The following STON1 variants were observed in gnomAD, a reference collection of about 807,000 sequenced individuals.
STON1 encodes stonin 1, also known as stonin-1.
Under a neutral mutation model 60.9 loss-of-function variants are expected in STON1, and 79 were observed. That is an observed-to-expected ratio of 1.30 (90% CI 1.08 to 1.56). The LOEUF (loss-of-function observed/expected upper bound fraction) is 1.56, where lower values mean the gene tolerates loss of function less well. STON1 is among the 40% of genes most tolerant of loss of function. STON1 has a pLI of 0.00. For synonymous variants in STON1, 363 were observed against 306.9 expected (o/e 1.18, Z -1.91); for missense variants, 1,166 against 858.9 (o/e 1.36, Z -4.47).
intron 2 of STON1, among the ~76,000 whole-genome samples, chr2:48,588,733 A>T (rs1278010952): frequency 1.3e-5 from 2 of 151,986 alleles, no homozygotes; most frequent in Non-Finnish European, 2.9e-5. Flanking sequence ...AATTTGAGGG[A>T]TCAGGATTGA....
intron 3 of STON1, among the ~76,000 whole-genome samples, chr2:48,592,826 GCTGGTCTCAAATTC>G (rs1220128972): frequency 6.6e-6 from 1 of 151,922 alleles, no homozygotes; most frequent in East Asian, 1.9e-4. Flanking sequence ...TGTTGGTCAG[GCTGGTCTCAAATTC>G]CTGGTCTCAA....
At position 48,591,660 on chromosome 2, in the gene STON1, T is replaced by A. The variant is rs1294012535; in HGVS notation, c.1938T>A (p.Asp646Glu). ...DRLPDKNSSLDHPHCLSYKLE... is the reference protein window; with the variant it reads ...DRLPDKNSSLEHPHCLSYKLE... Reference sequence around the variant, plus strand: ...GATTTTTTTTCCCTCGAGGTCTAGATCATCCCCATTGTCTGTCATACAAAT... The same window carrying A: ...GATTTTTTTTCCCTCGAGGTCTAGAACATCCCCATTGTCTGTCATACAAAT... The change falls in exon 3 of 4, where the codon GAT (aspartate) becomes GAA (glutamate). Residue 646 changes from aspartate (D) to glutamate (E), a missense_variant. Physicochemically the swap from Asp to Glu is conservative, Grantham distance 45. Transcript: ENST00000404752. 1 of 1,613,910 alleles carries A rather than the reference T, an allele frequency of 6.2e-7. No homozygotes were observed. The highest frequency in any genetic ancestry group is 1.7e-5 in the Admixed American group (1 of 60,010).
chr2:48,571,710 G>C (rs781575785), intron 1 of STON1, among the ~76,000 whole-genome samples: 53 of 152,284 alleles, frequency 3.5e-4, no homozygotes, highest in South Asian at 2.1e-4. Flanking sequence ...CCTATGAGAG[G>C]ATTAGGAGGG....
intron 1 of STON1, among the ~76,000 whole-genome samples, chr2:48,566,489 G>A (rs1430445509): frequency 6.6e-6 from 1 of 151,444 alleles, no homozygotes; most frequent in Admixed American, 6.6e-5. Flanking sequence ...CACCATGTTG[G>A]TCAGGCTGGT....
At chr2:48,547,533 C>G (rs977868850) in intron 1 of STON1, among the ~76,000 whole-genome samples, 5 of 152,118 alleles carry the variant, frequency 3.3e-5, no homozygotes, top group Non-Finnish European at 7.4e-5. Flanking sequence ...CATGGTCGTG[C>G]GGGGTCAAAG....
intron 1 of STON1, among the ~76,000 whole-genome samples, chr2:48,579,315 C>T (rs1572628603): frequency 1.4e-5 from 2 of 147,172 alleles, no homozygotes; most frequent in Admixed American, 6.7e-5. Flanking sequence ...CTCTTTCTTC[C>T]TTTTTTTTTT....
chr2:48,588,499 G>C (rs1343164811), intron 2 of STON1, among the ~76,000 whole-genome samples: 1 of 152,052 alleles, frequency 6.6e-6, no homozygotes, highest in Non-Finnish European at 1.5e-5. Context: ...CACAGCACGT[G>C]CCATCACACC....
At chr2:48,593,732 A>G (rs1194861556) in intron 3 of STON1, among the ~76,000 whole-genome samples, 1 of 152,162 alleles carries the variant, frequency 6.6e-6, no homozygotes, top group East Asian at 1.9e-4. Context: ...TATACATGAC[A>G]TCGCTAATAT....
chr2:48,581,564 T>G lies in STON1; in HGVS notation c.931T>G (p.Tyr311Asp), dbSNP rs1673888037. ...VLPGGILQMY[Y>D]EQGLEKPFKE... ...GCCTGGAGGAATTTTGCAGATGTAT[T>G]ATGAACAGGGATTAGAAAAACCATT... Residue 311 changes from tyrosine (Y) to aspartate (D), a missense_variant, in exon 2 of 4, where the codon TAT becomes GAT. Coordinates refer to ENST00000404752, the MANE Select transcript of STON1 (RefSeq NM_006873.4). 6.2e-7 allele frequency: 1 copy of G among 1,614,086 alleles called. No homozygotes were observed. Among genetic ancestry groups the G allele is most frequent in the African/African-American group, 1.3e-5 (1 of 74,938 alleles).
intron 3 of STON1, among the ~76,000 whole-genome samples, chr2:48,594,420 C>A (rs1299326216): frequency 1.3e-5 from 2 of 152,162 alleles, no homozygotes; most frequent in Admixed American, 1.3e-4. Flanking sequence ...GTGGCAGTTT[C>A]AAAATGTTTT....
intron 1 of STON1, among the ~76,000 whole-genome samples, chr2:48,572,982 A>G (rs955578408): frequency 1.3e-5 from 2 of 152,226 alleles, no homozygotes; most frequent in African/African-American, 4.8e-5. Context: ...GCCCTCAGGA[A>G]TGTGTGGATG....
chr2:48,591,695 G>A lies in STON1; in HGVS notation c.1973G>A (p.Gly658Glu). 6.2e-7 allele frequency: 1 copy of A among 1,614,036 alleles called. No homozygotes were observed. Among genetic ancestry groups the A allele is most frequent in the Non-Finnish European group, 8.5e-7 (1 of 1,180,006 alleles). ...PHCLSYKLEL[G>E]SDQEIPSDWY... ...TGTCTGTCATACAAATTAGAGCTTG[G>A]ATCAGACCAAGAAATTCCCTCTGAT... The change falls in exon 3 of 4, where the codon GGA (glycine) becomes GAA (glutamate). Residue 658 changes from glycine (G) to glutamate (E), a missense_variant. Physicochemically the swap from Gly to Glu is moderately conservative, Grantham distance 98 (BLOSUM62 -2). Transcript: ENST00000404752.
At chr2:48,585,510 A>T (rs1427170023) in intron 2 of STON1, among the ~76,000 whole-genome samples, 2 of 152,004 alleles carry the variant, frequency 1.3e-5, no homozygotes, top group East Asian at 3.9e-4. Context: ...CGGCCTCCCA[A>T]AGTGCTGGGA....
intron 3 of STON1, among the ~76,000 whole-genome samples, chr2:48,594,134 C>A (rs944770803): frequency 1.3e-5 from 2 of 152,144 alleles, no homozygotes; most frequent in African/African-American, 4.8e-5. Context: ...CTGCCTCACT[C>A]CCCCATGAAT....
chr2:48,576,179 T>C (rs185263962), intron 1 of STON1, among the ~76,000 whole-genome samples: 2 of 138,724 alleles, frequency 1.4e-5, no homozygotes, highest in African/African-American at 2.6e-5. Context: ...TTTGTTGTTT[T>C]CCTTTCTTTT....
chr2:48,531,379 C>T (rs1354375183), intron 1 of STON1: 1 of 152,148 alleles, frequency 6.6e-6, no homozygotes, highest in African/African-American at 2.4e-5. Context: ...TAAAAACAGC[C>T]CTACTTATTT....
intron 1 of STON1, among the ~76,000 whole-genome samples, chr2:48,548,791 T>C (rs977538211): frequency 4.6e-5 from 7 of 152,160 alleles, no homozygotes; most frequent in Non-Finnish European, 1.0e-4. Flanking sequence ...TGAGCCACCA[T>C]GCCCGGCCTC....
intron 1 of STON1, among the ~76,000 whole-genome samples, chr2:48,541,581 C>T (rs1292833490): frequency 2.0e-5 from 3 of 149,688 alleles, no homozygotes; most frequent in Non-Finnish European, 3.0e-5. Flanking sequence ...CGCCTGTAGT[C>T]CCAGCTACTT....
intron 3 of STON1, among the ~76,000 whole-genome samples, chr2:48,594,226 A>G (rs573693162): frequency 5.6e-4 from 85 of 152,320 alleles, no homozygotes; most frequent in African/African-American, 1.9e-3. Flanking sequence ...AACCTGACCT[A>G]TAACACTAGG....
Sources: allele counts gnomAD v4.1 joint callset (sites outside exome capture counted in the v4.1 genomes callset), GRCh38; gene constraint gnomAD v4.1.1; transcripts MANE v1.5; gene names NCBI Gene and HGNC (gene_info 2026-07-23, HGNC 2026-07-21).